The following TMEM51 variants were observed in gnomAD, a reference collection of about 807,000 sequenced individuals.
TMEM51 encodes transmembrane protein 51, also known as chromosome 1 open reading frame 72.
In TMEM51, 8 loss-of-function variants were observed where a neutral mutation model predicts 13.6. The ratio of observed to expected loss-of-function variants is 0.59; its 90% CI spans 0.35 to 1.07. TMEM51 has a LOEUF of 1.07. Among genes scored for constraint, TMEM51 ranks in the 50% least tolerant of loss-of-function variants. The pLI is 0.02. For missense variants in TMEM51, 279 were observed against 330.7 expected (o/e 0.84, Z 1.21); for synonymous variants, 147 against 144.4 (o/e 1.02, Z -0.13).
intron 1 of TMEM51, among the ~76,000 whole-genome samples, chr1:15,189,087 C>T (rs929226680): frequency 2.0e-5 from 3 of 152,154 alleles, no homozygotes; most frequent in Admixed American, 6.6e-5. Context: ...GTTGCCCAGG[C>T]GGGAATACAG....
intron 2 of TMEM51, among the ~76,000 whole-genome samples, chr1:15,212,070 A>T (rs539270644): frequency 2.6e-5 from 4 of 152,296 alleles, no homozygotes; most frequent in Admixed American, 2.6e-4. Context: ...TATTACCCTG[A>T]TCTGGATTAT....
intron 1 of TMEM51, among the ~76,000 whole-genome samples, chr1:15,190,856 C>T (rs2092504): frequency 0.44 from 66,681 of 151,912 alleles, 15,687 homozygotes; most frequent in East Asian, 0.9. Context: ...GGCCCTATTT[C>T]GGTTCACTGC....
intron 1 of TMEM51, among the ~76,000 whole-genome samples, chr1:15,177,105 C>G (rs918804210): frequency 3.3e-5 from 5 of 152,088 alleles, no homozygotes; most frequent in African/African-American, 1.2e-4. Context: ...CAAGCCCCTT[C>G]CCTAGGACAG....
chr1:15,219,890 C>T lies in TMEM51; in HGVS notation c.*147C>T, dbSNP rs1644491479. 1.1e-6 allele frequency: 1 copy of T among 872,330 alleles called. No homozygotes were observed. Among genetic ancestry groups the T allele is most frequent in the Non-Finnish European group, 1.7e-6 (1 of 584,246 alleles). The allele number at this position is 872,330 out of a possible 1,614,324, so 54.0% of individuals were successfully genotyped here. ...ATGGCGGCGGGCGGGGGGGGATTCT[C>T]TGTATCAGGAGTGACTTTGTTGCCC... On this transcript the variant is annotated 3_prime_UTR_variant, in exon 4 of 4. Coordinates refer to ENST00000376008, the MANE Select transcript of TMEM51 (RefSeq NM_001136218.2).
chr1:15,215,684 A>G (rs1644420800), intron 3 of TMEM51, among the ~76,000 whole-genome samples: 1 of 152,226 alleles, frequency 6.6e-6, no homozygotes, highest in African/African-American at 2.4e-5. Context: ...TTTTATTACA[A>G]TAGATTTTTA....
chr1:15,205,619 A>G (rs1006059226), intron 1 of TMEM51, among the ~76,000 whole-genome samples: 2 of 152,142 alleles, frequency 1.3e-5, no homozygotes, highest in African/African-American at 4.8e-5. Context: ...GATCAGGCGT[A>G]CCCTACCCCT....
intron 1 of TMEM51, among the ~76,000 whole-genome samples, chr1:15,187,783 T>TG (rs1643827643): frequency 6.6e-6 from 1 of 152,124 alleles, no homozygotes; most frequent in African/African-American, 2.4e-5. Context: ...CCCTCACTGC[T>TG]GGGGCCACAG....
At chr1:15,167,867 G>A (rs954780616) in intron 1 of TMEM51, among the ~76,000 whole-genome samples, 3 of 152,204 alleles carry the variant, frequency 2.0e-5, no homozygotes, top group African/African-American at 4.8e-5. Flanking sequence ...AAATGACAAT[G>A]AGTAGTGATC....
chr1:15,184,600 A>T (rs550340005), intron 1 of TMEM51, among the ~76,000 whole-genome samples: 1 of 152,266 alleles, frequency 6.6e-6, no homozygotes, highest in East Asian at 1.9e-4. Flanking sequence ...TTGGAAACTG[A>T]TATCGTTGTC....
At chr1:15,165,415 T>A (rs1642960804) in intron 1 of TMEM51, among the ~76,000 whole-genome samples, 1 of 152,202 alleles carries the variant, frequency 6.6e-6, no homozygotes, top group Non-Finnish European at 1.5e-5. Flanking sequence ...ATGCCGTCTT[T>A]CACACAGGAA....
chr1:15,196,829 T>C (rs1441049544), intron 1 of TMEM51, among the ~76,000 whole-genome samples: 2 of 152,244 alleles, frequency 1.3e-5, no homozygotes, highest in African/African-American at 4.8e-5. Flanking sequence ...ATTCAGCTAG[T>C]TGGCCCTGGG....
intron 3 of TMEM51, among the ~76,000 whole-genome samples, chr1:15,217,771 A>T (rs1271615954): frequency 1.3e-5 from 2 of 152,124 alleles, no homozygotes; most frequent in Non-Finnish European, 1.5e-5. Flanking sequence ...CATGGGTTGG[A>T]TGGTGCCACC....
chr1:15,177,186 A>G (rs1225101136), intron 1 of TMEM51, among the ~76,000 whole-genome samples: 3 of 152,186 alleles, frequency 2.0e-5, no homozygotes, highest in African/African-American at 4.8e-5. Context: ...ATGCAAGATC[A>G]CCCATGTTCT....
At position 15,187,243 on chromosome 1, in the gene TMEM51, G is replaced by A. The variant is rs1193348791; in HGVS notation, c.-266-23247G>A. ...TCCCCATCCCCCACTGACTCCTTGG[G>A]GACTGGATCTTAATTCGCCCTGTTG... On this transcript the variant is annotated intron_variant, in intron 1 of 3. Transcript: ENST00000376008. Among the ~76,000 whole-genome samples the A allele has an allele frequency of 2.0e-5, 3 of 151,042 alleles. No homozygotes were observed. In the East Asian group the frequency reaches 5.9e-4, roughly 30 times the overall value.
rs189921508 is a variant in TMEM51 at position 15,172,502 on chromosome 1, G to C, written c.-267+18548G>C. Among the ~76,000 whole-genome samples, 10 of 151,762 alleles carry C rather than the reference G, an allele frequency of 6.6e-5. No homozygotes were observed. In the East Asian group the frequency reaches 9.7e-4, roughly 15 times the overall value. On this transcript the variant is annotated intron_variant, in intron 1 of 3. Coordinates refer to ENST00000376008, the MANE Select transcript of TMEM51 (RefSeq NM_001136218.2). ...AAAAGAAAGAGAAGAAGGAGAGAGAGAGAGACAGAGACAGAAGAAAAAGGA... is the reference window on the plus strand; with the variant it reads ...AAAAGAAAGAGAAGAAGGAGAGAGACAGAGACAGAGACAGAAGAAAAAGGA...
At chr1:15,175,078 C>T (rs1643413396) in intron 1 of TMEM51, among the ~76,000 whole-genome samples, 1 of 152,150 alleles carries the variant, frequency 6.6e-6, no homozygotes. Flanking sequence ...ATCACAAGTT[C>T]TTCTCCATTT....
chr1:15,208,598 T>C (rs2100337916), intron 1 of TMEM51, among the ~76,000 whole-genome samples: 1 of 152,222 alleles, frequency 6.6e-6, no homozygotes, highest in African/African-American at 2.4e-5. Context: ...CAAAGAAATA[T>C]GCTGTCTCTA....
At chr1:15,167,326 CAAAAAAAAAAAA>C (rs555274126) in intron 1 of TMEM51, among the ~76,000 whole-genome samples, 11 of 69,450 alleles carry the variant, frequency 1.6e-4, no homozygotes, top group African/African-American at 2.0e-4. Context: ...GACTCCATCT[CAAAAAAAAAAAA>C]AAAAAAAAAA....
At chr1:15,159,915 A>T (rs1642719119) in intron 1 of TMEM51, among the ~76,000 whole-genome samples, 1 of 152,150 alleles carries the variant, frequency 6.6e-6, no homozygotes, top group African/African-American at 2.4e-5. Context: ...GGCCTTTGAG[A>T]TGATAAGCCC....
Sources: allele counts gnomAD v4.1 joint callset (sites outside exome capture counted in the v4.1 genomes callset), GRCh38; gene constraint gnomAD v4.1.1; transcripts MANE v1.5; gene names NCBI Gene and HGNC (gene_info 2026-07-23, HGNC 2026-07-21).